CDH11: variants seen among roughly 807,000 people sequenced by gnomAD.
The protein encoded by CDH11 is cadherin 11.
Under a neutral mutation model 67.8 loss-of-function variants are expected in CDH11, and 11 were observed. The observed-to-expected ratio is 0.16, with a 90% confidence interval of 0.10 to 0.27. The LOEUF (loss-of-function observed/expected upper bound fraction) is 0.27, where lower values mean the gene tolerates loss of function less well. CDH11 is among the 10% of genes least tolerant of loss of function. The pLI is 1.00. For synonymous variants in CDH11, 419 were observed against 400.0 expected (o/e 1.05, Z -0.57); for missense variants, 847 against 1,031.2 (o/e 0.82, Z 2.45).
intron 3 of CDH11, among the ~76,000 whole-genome samples, chr16:64,999,959 G>A (rs1055982324): frequency 2.0e-5 from 3 of 152,160 alleles, no homozygotes; most frequent in Non-Finnish European, 4.4e-5. Flanking sequence ...CTGCTTTGCG[G>A]TACACAGGGT....
intron 2 of CDH11, among the ~76,000 whole-genome samples, chr16:65,015,110 C>A (rs1485869024): frequency 2.0e-5 from 3 of 150,994 alleles, no homozygotes; most frequent in Non-Finnish European, 4.4e-5. Context: ...AGCCTCAGGT[C>A]ATCCACCCGC....
chr16:64,958,053 T>A (rs983774542), intron 11 of CDH11, among the ~76,000 whole-genome samples: 1 of 152,206 alleles, frequency 6.6e-6, no homozygotes, highest in Non-Finnish European at 1.5e-5. Context: ...CTGTACACAT[T>A]ACTGCATAGT....
At position 64,998,659 on chromosome 16, in the gene CDH11, C is replaced by T. The variant is rs758854974; in HGVS notation, c.426G>A (p.Pro142=). Residue 142 remains proline (P), a synonymous_variant, in exon 4 of 13, where the codon CCG becomes CCA. Coordinates refer to ENST00000268603, the MANE Select transcript of CDH11 (RefSeq NM_001797.4). ...CCTGGACCTTGACAATGAATTCCGA[C>T]GGTGGCTCCAGTGGCCGATTGGTGT... is the stretch of plus-strand genomic sequence containing the variant. ...DRDTNRPLEP[P]SEFIVKVQDI... is the part of the protein sequence containing the mutation. 56 of 1,613,988 alleles carry T rather than the reference C, an allele frequency of 3.5e-5. No homozygotes were observed. The highest frequency in any genetic ancestry group is 8.0e-5 in the African/African-American group (6 of 74,916).
rs1567592590 is a variant in CDH11 at position 65,121,840 on chromosome 16, C to T, written c.-298+40G>A. 2.8e-6 allele frequency: 2 copies of T among 702,006 alleles called. No individual in the cohort carries two copies. Among genetic ancestry groups the T allele is most frequent in the Non-Finnish European group, 5.2e-6 (2 of 384,622 alleles). 43.5% of individuals were successfully genotyped at this position (702,006 alleles called of 1,614,324 possible). A position where few individuals can be genotyped will look rare whatever the true frequency, so the allele number is the denominator to read the frequency against. ...AATCCTGCCCCCCATTCCAAGAAGC[C>T]CCAACCAGGCGAGAGGAAGGGACTG... is the stretch of plus-strand genomic sequence containing the variant. On this transcript the variant is annotated intron_variant, in intron 1 of 12. Coordinates refer to ENST00000268603, the MANE Select transcript of CDH11 (RefSeq NM_001797.4). The surrounding 1 kb of genome is among the most constrained non-coding windows in gnomAD (Gnocchi z 4.1).
At chr16:64,993,682 T>C (rs8051718) in intron 4 of CDH11, among the ~76,000 whole-genome samples, 6 of 152,136 alleles carry the variant, frequency 3.9e-5, no homozygotes, top group Non-Finnish European at 7.4e-5. Flanking sequence ...GAAGCATTCA[T>C]GGGTCAGAAC....
chr16:65,098,447 G>T lies in CDH11; in HGVS notation c.-298+23433C>A, dbSNP rs537188959. ...GGGTATGTAATACATGTGCTGTTGG[G>T]AATTTATCAAATTACCCTCATTTGT... is the stretch of plus-strand genomic sequence containing the variant. On this transcript the variant is annotated intron_variant, in intron 1 of 12. Coordinates refer to ENST00000268603, the MANE Select transcript of CDH11 (RefSeq NM_001797.4). Among the ~76,000 whole-genome samples, 32 of 152,216 alleles carry T rather than the reference G, an allele frequency of 2.1e-4. No individual in the cohort carries two copies. The East Asian group carries it at 6.2e-3, about 29-fold the overall frequency.
At chr16:65,122,125 C>T (rs1301697253), upstream of CDH11, 10 of 52,088 alleles carry the variant, frequency 1.9e-4, no homozygotes, top group South Asian at 1.0e-3. Context: ...GGCGGGCAGG[C>T]GGGTGCGGGG....
intron 2 of CDH11, among the ~76,000 whole-genome samples, chr16:65,044,193 C>A (rs1430782962): frequency 6.6e-6 from 1 of 152,112 alleles, no homozygotes; most frequent in Non-Finnish European, 1.5e-5. Flanking sequence ...AGTATGCATT[C>A]CACACACTCC....
chr16:65,120,658 C>A, intron 1 of CDH11, among the ~76,000 whole-genome samples: 1 of 152,228 alleles, frequency 6.6e-6, no homozygotes, highest in South Asian at 2.1e-4. Flanking sequence ...TTAAAAGATG[C>A]GATTTCTTAA....
intron 12 of CDH11, 139 bp downstream of exon 12, chr16:64,950,628 T>TA: frequency 1.7e-5 from 10 of 593,664 alleles, no homozygotes; most frequent in South Asian, 6.0e-5. Context: ...CCCGCCCCCG[T>TA]ACCCCACTTC....
At chr16:65,007,664 G>T (rs1416201015) in intron 2 of CDH11, among the ~76,000 whole-genome samples, 1 of 152,164 alleles carries the variant, frequency 6.6e-6, no homozygotes, top group African/African-American at 2.4e-5. Context: ...TACTCGCAGA[G>T]GTTCTGTCTC....
chr16:65,018,179 T>C (rs1193758722), intron 2 of CDH11, among the ~76,000 whole-genome samples: 1 of 152,158 alleles, frequency 6.6e-6, no homozygotes, highest in Non-Finnish European at 1.5e-5. Context: ...GAACCCAAGA[T>C]AACTTGGGGC....
chr16:64,966,530 A>G (rs1301725431), intron 11 of CDH11, among the ~76,000 whole-genome samples: 2 of 152,086 alleles, frequency 1.3e-5, no homozygotes, highest in African/African-American at 4.8e-5. Flanking sequence ...CAGAATGGGA[A>G]GAATAGAAAG....
intron 1 of CDH11, among the ~76,000 whole-genome samples, chr16:65,099,411 T>C (rs1260190501): frequency 2.6e-5 from 4 of 152,208 alleles, no homozygotes; most frequent in Admixed American, 2.6e-4. Flanking sequence ...ACCCCAGCTG[T>C]GTCCTTCAGA....
chr16:65,026,418 T>C (rs1044915572), intron 2 of CDH11, among the ~76,000 whole-genome samples: 5 of 152,196 alleles, frequency 3.3e-5, no homozygotes, highest in African/African-American at 9.6e-5. Context: ...ATTGCCCTTC[T>C]ACCATTTGAC....
chr16:65,115,824 C>T (rs1473521597), intron 1 of CDH11, among the ~76,000 whole-genome samples: 1 of 151,866 alleles, frequency 6.6e-6, no homozygotes, highest in Non-Finnish European at 1.5e-5. Context: ...TCTGTAATCC[C>T]AGCACTTTGG....
rs1196668600 is a variant in CDH11, at chr16:64,948,576, T to G, written c.1895-477A>C. 10 of 1,494,856 alleles carry G rather than the reference T, an allele frequency of 6.7e-6. No homozygotes were observed. In the African/African-American group the frequency reaches 1.4e-4, roughly 21 times the overall value. 92.6% of individuals were successfully genotyped at this position (1,494,856 alleles called of 1,614,324 possible). A position where few individuals can be genotyped will look rare whatever the true frequency, so the allele number is the denominator to read the frequency against. The stretch of plus-strand genomic sequence containing the variant: ...TTCTGCCAATGTCTGAGAAAGAGTA[T>G]TGGTCCTATACTAACTTAATGGGAA... On this transcript the variant is annotated intron_variant, in intron 12 of 12. Transcript: ENST00000268603.
At chr16:65,119,069 C>G (rs1458101870) in intron 1 of CDH11, 1 of 152,330 alleles carries the variant, frequency 6.6e-6, no homozygotes, top group African/African-American at 2.4e-5. Flanking sequence ...GAGCGCAGTA[C>G]TGGCATTGTA....
At chr16:65,046,284 C>T (rs2073960720) in intron 2 of CDH11, among the ~76,000 whole-genome samples, 1 of 152,140 alleles carries the variant, frequency 6.6e-6, no homozygotes, top group South Asian at 2.1e-4. Context: ...CTGTTACCAC[C>T]CTGGACCACA....
Sources: gnomAD v4.1 joint callset for allele counts (sites outside exome capture counted in the v4.1 genomes callset) on GRCh38, gnomAD v4.1.1 for gene constraint, Gnocchi (gnomAD v3.1) non-coding constraint, MANE v1.5 for transcripts, NCBI Gene and HGNC (gene_info 2026-07-23, HGNC 2026-07-21) for gene names.